Variants in RORC observed in about 807,000 individuals in gnomAD.
The protein encoded by RORC is nuclear receptor ROR-gamma.
Under a neutral mutation model 64.5 loss-of-function variants are expected in RORC, and 13 were observed. That is an observed-to-expected ratio of 0.20 (90% CI 0.13 to 0.32). The LOEUF (loss-of-function observed/expected upper bound fraction) is 0.32. Among genes scored for constraint, RORC ranks in the 10% least tolerant of loss-of-function variants. The probability of loss-of-function intolerance (pLI) is 1.00; values close to 1 mark genes in which losing one functional copy is unlikely to be tolerated. For synonymous variants in RORC, 277 were observed against 259.3 expected (o/e 1.07, Z -0.65); for missense variants, 468 against 669.5 (o/e 0.70, Z 3.32).
intron 2 of RORC, among the ~76,000 whole-genome samples, chr1:151,819,192 G>A (rs1651887358): frequency 1.3e-5 from 2 of 152,176 alleles, no homozygotes; most frequent in Admixed American, 1.3e-4. Context: ...GGCACTGGGT[G>A]TCTGGAACAG....
chr1:151,809,918 A>G (rs1651453098), intron 10 of RORC, among the ~76,000 whole-genome samples: 1 of 152,138 alleles, frequency 6.6e-6, no homozygotes, highest in South Asian at 2.1e-4. Flanking sequence ...TGGCCTAGAA[A>G]TAAAGCTTTA....
At chr1:151,809,858 C>T (rs10494269) in intron 10 of RORC, among the ~76,000 whole-genome samples, 1 of 152,064 alleles carries the variant, frequency 6.6e-6, no homozygotes, top group Admixed American at 6.5e-5. Flanking sequence ...AGTAAATTGC[C>T]TAAATGACAG....
At chr1:151,817,046 C>T in intron 3 of RORC, 149 bp downstream of exon 3, 1 of 746,236 alleles carries the variant, frequency 1.3e-6, no homozygotes, top group Non-Finnish European at 2.2e-6. Context: ...TTCCTGGCTG[C>T]CCAGGAGATC....
intron 2 of RORC, among the ~76,000 whole-genome samples, chr1:151,825,587 C>T (rs1652163385): frequency 6.6e-6 from 1 of 152,174 alleles, no homozygotes. Flanking sequence ...ATTACCAGCC[C>T]CCATCAGATA....
chr1:151,826,601 A>T (rs1034088963), intron 2 of RORC, among the ~76,000 whole-genome samples: 4 of 152,206 alleles, frequency 2.6e-5, no homozygotes, highest in Non-Finnish European at 4.4e-5. Context: ...ATCTTGCGCT[A>T]GGGAATACAT....
rs114398695 is a variant in RORC at position 151,816,506 on chromosome 1, C to T, written c.298+158G>A. On this transcript the variant is annotated intron_variant, in intron 4 of 10. Coordinates refer to ENST00000318247, the MANE Select transcript of RORC (RefSeq NM_005060.4). Reference sequence around the variant, plus strand: ...ACTTTGATGGGGGTGACCCATCCATCCCTGGAGGGGAGGAGACAAGGGGTT... The same window carrying T: ...ACTTTGATGGGGGTGACCCATCCATTCCTGGAGGGGAGGAGACAAGGGGTT... 3.9e-3 allele frequency among the ~76,000 whole-genome samples: 596 copies of T among 152,322 alleles called. 3 individuals are homozygous for T. The highest frequency in any genetic ancestry group is 5.7e-3 in the Non-Finnish European group (387 of 68,018).
rs760272311 is a variant in RORC, at chr1:151,813,578, C to T, written c.976G>A (p.Glu326Lys). The T allele has an allele frequency of 2.5e-6, 4 of 1,614,166 alleles. No individual in the cohort carries two copies. The highest frequency in any genetic ancestry group is 1.1e-5 in the South Asian group (1 of 91,082). ...AACTCCACCACGTACTGAATGGCCT[C>T]GGTGAGGTGGTGGGCACACCGTTCC... The part of the protein sequence containing the change: ...MWERCAHHLT[E>K]AIQYVVEFAK... The change falls in exon 7 of 11, where the codon GAG becomes AAG. Residue 326 changes from glutamate to lysine, a missense_variant. Coordinates refer to ENST00000318247, the MANE Select transcript of RORC (RefSeq NM_005060.4).
rs748388284 is a variant in RORC at position 151,807,369 on chromosome 1, C to G, written c.*103G>C. 2.4e-6 allele frequency: 3 copies of G among 1,225,162 alleles called. No homozygotes were observed. The highest frequency in any genetic ancestry group is 3.4e-6 in the Non-Finnish European group (3 of 880,812). The allele number at this position is 1,225,162 out of a possible 1,614,324, so 75.9% of individuals were successfully genotyped here. ...TCACTTCCAAAGAGCTGGTGGGGAC[C>G]ACCCTCCAGGGTTCATGGGAAAGGA... On this transcript the variant is annotated 3_prime_UTR_variant, in exon 11 of 11. Transcript: ENST00000318247. This position sits in a 1 kb window ranked among gnomAD's most constrained non-coding sequence, Gnocchi z 5.0.
intron 3 of RORC, 61 bp from the exon 4 acceptor site, chr1:151,816,866 AG>A: frequency 6.9e-7 from 1 of 1,439,842 alleles, no homozygotes. Context: ...TCACTCACAA[AG>A]GCCTCCAGCC....
chr1:151,828,010 G>A (rs984012584), intron 2 of RORC, among the ~76,000 whole-genome samples: 3 of 150,946 alleles, frequency 2.0e-5, no homozygotes, highest in African/African-American at 7.3e-5. Context: ...CCGGGGCCCT[G>A]CTCAGCATTT....
chr1:151,819,719 AC>A (rs1651912426), intron 2 of RORC, among the ~76,000 whole-genome samples: 1 of 152,030 alleles, frequency 6.6e-6, no homozygotes, highest in Admixed American at 6.6e-5. Flanking sequence ...CCCATGCTTG[AC>A]CCACTGCTTC....
At chr1:151,810,895 T>C (rs1215067578) in intron 10 of RORC, among the ~76,000 whole-genome samples, 1 of 152,208 alleles carries the variant, frequency 6.6e-6, no homozygotes, top group East Asian at 1.9e-4. Flanking sequence ...TGAGAAAGCA[T>C]GTCAGCAAAA....
chr1:151,815,156 AGTT>A lies in RORC; in HGVS notation c.565_567del (p.Asn189del), dbSNP rs1416633463. ...GCCCCATTGAGCCCTGCCTTGGCCA[AGTT>A]GTTGGAATATGAGGGCCCAGAGCCT... On this transcript the variant is annotated inframe_deletion, in exon 5 of 11. Coordinates refer to ENST00000318247, the MANE Select transcript of RORC (RefSeq NM_005060.4). 1 of 1,613,852 alleles carries A rather than the reference AGTT, an allele frequency of 6.2e-7. No individual in the cohort carries two copies. Among genetic ancestry groups the A allele is most frequent in the Admixed American group, 1.7e-5 (1 of 59,970 alleles).
At chr1:151,819,169 G>A (rs1001129662) in intron 2 of RORC, among the ~76,000 whole-genome samples, 4 of 152,210 alleles carry the variant, frequency 2.6e-5, no homozygotes, top group Admixed American at 2.6e-4. Context: ...TGGAGGGGAA[G>A]AGAGAATAAG....
Position 151,806,818 on chromosome 1 carries a change from A to G in RORC, c.*654T>C, listed in dbSNP as rs1308614846. The G allele has an allele frequency of 6.6e-6, 1 of 152,186 alleles. No individual in the cohort carries two copies. The highest frequency in any genetic ancestry group is 1.5e-5 in the Non-Finnish European group (1 of 68,062). 9.4% of individuals were successfully genotyped at this position (152,186 alleles called of 1,614,324 possible). A position where few individuals can be genotyped will look rare whatever the true frequency, so the allele number is the denominator to read the frequency against. On this transcript the variant is annotated 3_prime_UTR_variant, in exon 11 of 11. Transcript: ENST00000318247. ...ATGCTCTTGGCCTTCATTGTACCCT[A>G]GTCCCACACCCAAATCCCATAAAAC...
chr1:151,812,651 C>G, intron 9 of RORC: 1 of 291,390 alleles, frequency 3.4e-6, no homozygotes, highest in Non-Finnish European at 6.5e-6. Flanking sequence ...ACAATGAAAT[C>G]ACTGCCATAG....
intron 3 of RORC, 131 bp downstream of exon 3, chr1:151,817,064 G>A (rs1043295001): frequency 4.3e-5 from 34 of 795,332 alleles, no homozygotes; most frequent in Non-Finnish European, 6.6e-5. Flanking sequence ...ATCATCCCTG[G>A]AGTCAGAACA....
chr1:151,831,042 C>G (rs1436503554), intron 1 of RORC: 2 of 1,289,332 alleles, frequency 1.6e-6, no homozygotes, highest in Admixed American at 2.3e-5. Context: ...CGATCCTGCT[C>G]TGAGGGGGTT....
chr1:151,817,289 G>C lies in RORC; in HGVS notation c.71-9C>G. ...GATCACTTCAATTTGTGCTGGAAGA[G>C]AGAAAGAGAAGTAGGTCAGCCCAGG... On this transcript the variant is annotated splice_polypyrimidine_tract_variant and intron_variant, in intron 2 of 10. Transcript: ENST00000318247. The C allele has an allele frequency of 1.2e-6, 2 of 1,610,256 alleles. No individual in the cohort carries two copies. Among genetic ancestry groups the C allele is most frequent in the Middle Eastern group, 1.7e-4 (1 of 6,050 alleles).
Sources: gnomAD v4.1 joint callset for allele counts (sites outside exome capture counted in the v4.1 genomes callset) on GRCh38, gnomAD v4.1.1 for gene constraint, Gnocchi (gnomAD v3.1) non-coding constraint, MANE v1.5 for transcripts, NCBI Gene and HGNC (gene_info 2026-07-23, HGNC 2026-07-21) for gene names.